MYT1L: variants seen among roughly 807,000 people sequenced by gnomAD.
MYT1L encodes myelin transcription factor 1 like.
MYT1L carries 12 observed loss-of-function variants against 126.7 expected under a neutral mutation model. That is an observed-to-expected ratio of 0.09 (90% CI 0.06 to 0.15). The LOEUF is 0.15. MYT1L is among the 10% of genes least tolerant of loss of function. The pLI is 1.00. For missense variants in MYT1L, 979 were observed against 1,585.2 expected (o/e 0.62, Z 6.49); for synonymous variants, 541 against 604.2 (o/e 0.90, Z 1.53).
chr2:2,149,480 C>A (rs916162779), intron 3 of MYT1L, among the ~76,000 whole-genome samples: 1 of 152,182 alleles, frequency 6.6e-6, no homozygotes, highest in African/African-American at 2.4e-5. Context: ...GTGGCTAATT[C>A]ATTATTTCAA....
intron 1 of MYT1L, among the ~76,000 whole-genome samples, chr2:2,310,836 T>C (rs947722924): frequency 3.9e-5 from 6 of 152,006 alleles, no homozygotes; most frequent in African/African-American, 1.5e-4. Flanking sequence ...ATCCCTAGCA[T>C]CTAACAAGGT....
intron 8 of MYT1L, among the ~76,000 whole-genome samples, chr2:1,960,260 T>C (rs1430937513): frequency 6.6e-6 from 1 of 152,190 alleles, no homozygotes; most frequent in African/African-American, 2.4e-5. Flanking sequence ...AAACATCACA[T>C]GGCAACTGAA....
At chr2:2,167,633 C>T (rs930403227) in intron 3 of MYT1L, among the ~76,000 whole-genome samples, 9 of 152,232 alleles carry the variant, frequency 5.9e-5, no homozygotes, top group African/African-American at 2.2e-4. Flanking sequence ...TCTGGCCTTT[C>T]CTGATGCTGT....
intron 2 of MYT1L, among the ~76,000 whole-genome samples, chr2:2,238,694 C>G (rs987415537): frequency 2.6e-5 from 4 of 152,234 alleles, no homozygotes; most frequent in Non-Finnish European, 4.4e-5. Flanking sequence ...AGCTCTGCTA[C>G]TAAAGCACTC....
chr2:1,919,084 C>G, intron 10 of MYT1L, among the ~76,000 whole-genome samples: 1 of 152,124 alleles, frequency 6.6e-6, no homozygotes, highest in South Asian at 2.1e-4. Context: ...TATTATTCGT[C>G]CTTAAGTGAC....
At chr2:2,101,723 T>G (rs1272424955) in intron 3 of MYT1L, among the ~76,000 whole-genome samples, 3 of 152,112 alleles carry the variant, frequency 2.0e-5, no homozygotes, top group African/African-American at 4.8e-5. Context: ...CAGCCATCCA[T>G]CCATCCACTC....
chr2:1,868,005 T>A (rs2045817138), intron 18 of MYT1L, among the ~76,000 whole-genome samples: 1 of 151,968 alleles, frequency 6.6e-6, no homozygotes, highest in Non-Finnish European at 1.5e-5. Context: ...TCCTGCTCTG[T>A]CACCAGGCTG....
rs745813711 is a variant in MYT1L at position 1,917,347 on chromosome 2, C to T, written c.1484-8G>A. On this transcript the variant is annotated splice_region_variant and splice_polypyrimidine_tract_variant and intron_variant, in intron 10 of 24. Transcript: ENST00000647738. This position sits in a 1 kb window ranked among gnomAD's most constrained non-coding sequence, Gnocchi z 5.9. ...TTTCTGTTCTTGAGGGATCTAAAAG[C>T]GACAACAGGTGCCAAGAGAATAAAT... 19 of 1,598,588 alleles carry T rather than the reference C, an allele frequency of 1.2e-5. No individual in the cohort carries two copies. Among genetic ancestry groups the T allele is most frequent in the Admixed American group, 3.4e-5 (2 of 58,496 alleles).
chr2:2,001,867 C>T (rs781001545), intron 4 of MYT1L, among the ~76,000 whole-genome samples: 3 of 152,162 alleles, frequency 2.0e-5, no homozygotes, highest in Non-Finnish European at 4.4e-5. Context: ...TTTCATTCCT[C>T]GAATGGGTCT....
intron 2 of MYT1L, among the ~76,000 whole-genome samples, chr2:2,183,861 G>GGAAGGAAGGAAGGATAGGAGGGAAGA (rs1559261813): frequency 7.2e-6 from 1 of 139,398 alleles, no homozygotes; most frequent in African/African-American, 2.8e-5. Context: ...AGGAGGGAAG[G>GGAAGGAAGGAAGGATAGGAGGGAAGA]AAAAAGGAAG....
At position 2,289,602 on chromosome 2, in the gene MYT1L, G is replaced by A. The variant is rs17039526; in HGVS notation, c.-520-5099C>T. Among the ~76,000 whole-genome samples the A allele has an allele frequency of 8.2e-3, 1,245 of 152,160 alleles. 13 individuals carry two copies. Among genetic ancestry groups the A allele is most frequent in the African/African-American group, 0.024 (977 of 41,514 alleles). On this transcript the variant is annotated intron_variant, in intron 1 of 24. Transcript: ENST00000647738. ...TTGAACAGTCATCCTTCCATAAGACGGAAATAAGAAGAGCCCTTGTACCAC... is the reference window on the plus strand; with the variant it reads ...TTGAACAGTCATCCTTCCATAAGACAGAAATAAGAAGAGCCCTTGTACCAC...
At chr2:2,075,520 G>A (rs1000449461) in intron 3 of MYT1L, among the ~76,000 whole-genome samples, 1 of 152,122 alleles carries the variant, frequency 6.6e-6, no homozygotes, top group African/African-American at 2.4e-5. Flanking sequence ...GGAAGACTGA[G>A]GTCTATCACA....
intron 1 of MYT1L, among the ~76,000 whole-genome samples, chr2:2,320,960 A>G (rs1407669405): frequency 6.6e-6 from 1 of 152,200 alleles, no homozygotes; most frequent in Admixed American, 6.5e-5. Flanking sequence ...ATGCCAGGAG[A>G]CCATACATCC....
chr2:2,103,946 G>A (rs1394979035), intron 3 of MYT1L, among the ~76,000 whole-genome samples: 7 of 152,190 alleles, frequency 4.6e-5, no homozygotes, highest in African/African-American at 1.7e-4. Context: ...GCCCTCTCAG[G>A]AGCTGACTCC....
At chr2:2,111,774 G>A (rs925883173) in intron 3 of MYT1L, among the ~76,000 whole-genome samples, 3 of 152,242 alleles carry the variant, frequency 2.0e-5, no homozygotes, top group African/African-American at 4.8e-5. Flanking sequence ...AGGAAAAAAA[G>A]GACGAAGACA....
chr2:1,970,249 G>C (rs1359827009), intron 8 of MYT1L, among the ~76,000 whole-genome samples: 6 of 152,154 alleles, frequency 3.9e-5, no homozygotes. Context: ...CTGGTAATAA[G>C]AGCAGGTGGA....
chr2:2,272,542 T>C (rs981463047), intron 2 of MYT1L, among the ~76,000 whole-genome samples: 1 of 152,200 alleles, frequency 6.6e-6, no homozygotes, highest in African/African-American at 2.4e-5. Context: ...GAATACACTT[T>C]AGTGTGTGCA....
intron 21 of MYT1L, among the ~76,000 whole-genome samples, chr2:1,833,980 C>T (rs143859864): frequency 4.6e-5 from 7 of 152,290 alleles, no homozygotes; most frequent in East Asian, 1.9e-4. Flanking sequence ...GACCCGGGGC[C>T]GGGAGTGGGC....
chr2:2,081,927 G>C (rs2075877165), intron 3 of MYT1L, among the ~76,000 whole-genome samples: 1 of 152,050 alleles, frequency 6.6e-6, no homozygotes, highest in African/African-American at 2.4e-5. Flanking sequence ...TTTTTTAGTA[G>C]AGACAGGGTT....
Sources: allele counts gnomAD v4.1 joint callset (sites outside exome capture counted in the v4.1 genomes callset), GRCh38; gene constraint gnomAD v4.1.1; non-coding constraint Gnocchi (gnomAD v3.1); transcripts MANE v1.5; gene names NCBI Gene and HGNC (gene_info 2026-07-23, HGNC 2026-07-21).